MOGS: variants seen among roughly 807,000 people sequenced by gnomAD.
The protein encoded by MOGS is mannosyl-oligosaccharide glucosidase.
Under a neutral mutation model 68.5 loss-of-function variants are expected in MOGS, and 45 were observed. That is an observed-to-expected ratio of 0.66 (90% CI 0.52 to 0.84). The LOEUF (loss-of-function observed/expected upper bound fraction) is 0.84. MOGS is among the 40% of genes least tolerant of loss of function. The probability of loss-of-function intolerance (pLI) is 0.00; values close to 1 mark genes in which losing one functional copy is unlikely to be tolerated. For missense variants in MOGS, 1,020 were observed against 1,095.0 expected, an observed-to-expected ratio of 0.93 and a Z score of 0.97; for synonymous variants, 492 against 461.2, an observed-to-expected ratio of 1.07 and a Z score of -0.86.
Position 74,464,725 on chromosome 2 carries a change from G to C in MOGS, c.353-3C>G. The C allele has an allele frequency of 6.2e-7, 1 of 1,610,206 alleles. No individual in the cohort carries two copies. Among genetic ancestry groups the C allele is most frequent in the African/African-American group, 1.3e-5 (1 of 74,980 alleles). On this transcript the variant is annotated splice_polypyrimidine_tract_variant and splice_region_variant and intron_variant, in intron 1 of 3. Coordinates refer to ENST00000448666, the MANE Select transcript of MOGS (RefSeq NM_006302.3). Reference sequence around the variant, plus strand: ...GCCCTGCTGCGCCCACATCAGTCCTGGGGGTAGAATGGCCACGTAAGTCAA... The same window carrying C: ...GCCCTGCTGCGCCCACATCAGTCCTCGGGGTAGAATGGCCACGTAAGTCAA...
intron 2 of MOGS, 37 bp from the exon 3 acceptor site, chr2:74,463,423 G>T: frequency 1.9e-6 from 3 of 1,595,478 alleles, no homozygotes; most frequent in Non-Finnish European, 1.7e-6. Flanking sequence ...AACAGTGTTA[G>T]ATTGGCATTC....
In MOGS at chr2:74,464,987, G is replaced by C. The variant is rs772958580; in HGVS notation, c.261C>G (p.Ser87Arg). 6.4e-7 allele frequency: 1 copy of C among 1,562,632 alleles called. No individual in the cohort carries two copies. Among genetic ancestry groups the C allele is most frequent in the Admixed American group, 1.9e-5 (1 of 52,330 alleles). ...APPVLPADSS[S>R]PAVAPDLFWG... ...AGAAGAGGTCCGGGGCCACGGCGGG[G>C]CTGGAGGAGTCGGCAGGCAACACAG... The change falls in exon 1 of 4, where the codon AGC becomes AGG. Residue 87 changes from serine to arginine, a missense_variant. Physicochemically the swap from Ser to Arg is moderately radical, Grantham distance 110. Transcript: ENST00000448666.
At chr2:74,463,082 A>G in intron 3 of MOGS, 70 bp from the exon 4 acceptor site, 1 of 1,611,446 alleles carries the variant, frequency 6.2e-7, no homozygotes, top group Admixed American at 1.7e-5. Flanking sequence ...AGAGAAATAC[A>G]AAGTGTTCAG....
rs773800472 is a variant in MOGS, at chr2:74,465,260, G to T, written c.-13C>A. On this transcript the variant is annotated 5_prime_UTR_variant, in exon 1 of 4. Transcript: ENST00000448666. Reference sequence around the variant, plus strand: ...CGCCCCGAGCCATCCTGGCACTGAGGTCCGCGTCACAAGAGCTCGGAGAGG... The same window carrying T: ...CGCCCCGAGCCATCCTGGCACTGAGTTCCGCGTCACAAGAGCTCGGAGAGG... 1 of 1,426,298 alleles carries T rather than the reference G, an allele frequency of 7.0e-7. No homozygotes were observed. The highest frequency in any genetic ancestry group is 2.6e-4 in the Middle Eastern group (1 of 3,898). 88.4% of individuals were successfully genotyped at this position (1,426,298 alleles called of 1,614,324 possible). A position where few individuals can be genotyped will look rare whatever the true frequency, so the allele number is the denominator to read the frequency against.
In MOGS at chr2:74,464,924, C is replaced by G; in HGVS notation, c.324G>C (p.Lys108Asn). The G allele has an allele frequency of 6.2e-7, 1 of 1,604,326 alleles. No homozygotes were observed. The highest frequency in any genetic ancestry group is 8.5e-7 in the Non-Finnish European group (1 of 1,174,996). ...TGAGGAGGGGCTTCGGGCTGCGGGT[C>G]TTCATGCCGAAGTAGACGTGAGGGC... The part of the protein sequence containing the change: ...TYRPHVYFGM[K>N]TRSPKPLLTG... The change falls in exon 1 of 4, where the codon AAG becomes AAC. Residue 108 changes from lysine (K) to asparagine (N), a missense_variant. Transcript: ENST00000448666.
chr2:74,462,101 C>T lies in MOGS; in HGVS notation c.1688G>A (p.Arg563Gln), dbSNP rs769741414. ...AGPLPLSYRWRGRDPALPTLL... is the reference protein window; with the variant it reads ...AGPLPLSYRWQGRDPALPTLL... The stretch of plus-strand genomic sequence containing the variant: ...GGTTGGTAAGGCAGGGTCCCGTCCC[C>T]GCCAGCGGTAAGATAGTGGCAGTGG... Residue 563 changes from arginine (R) to glutamine (Q), a missense_variant, in exon 4 of 4, where the codon CGG (arginine) becomes CAG (glutamine). Physicochemically the swap from Arg to Gln is conservative, Grantham distance 43. Transcript: ENST00000448666. The T allele has an allele frequency of 8.1e-6, 13 of 1,614,110 alleles. No homozygotes were observed. The highest frequency in any genetic ancestry group is 2.7e-5 in the African/African-American group (2 of 75,040).
In MOGS at chr2:74,465,299, C is replaced by G. The variant is rs1356278730; in HGVS notation, c.-52G>C. The G allele has an allele frequency of 3.0e-6, 4 of 1,320,206 alleles. No homozygotes were observed. The East Asian group carries it at 1.2e-4, about 40-fold the overall frequency. The allele number at this position is 1,320,206 out of a possible 1,614,324, so 81.8% of individuals were successfully genotyped here. On this transcript the variant is annotated 5_prime_UTR_variant, in exon 1 of 4. Transcript: ENST00000448666. ...AGCTCGGAGAGGCGGCAGTGGAGCC[C>G]GGGTCCTGCCTCACCTCTCCGGCTC...
rs746814666 is a variant in MOGS at position 74,461,435 on chromosome 2, C to T, written c.2354G>A (p.Gly785Asp). The change falls in exon 4 of 4, where the codon GGT becomes GAT. Residue 785 changes from glycine to aspartate, a missense_variant. Physicochemically the swap from Gly to Asp is moderately conservative, Grantham distance 94. This residue lies in a region of MOGS where 270 missense variants were observed against 261.3 expected (regional missense o/e 1.03). Coordinates refer to ENST00000448666, the MANE Select transcript of MOGS (RefSeq NM_006302.3). ...GCCTACCACGTTGGCACGGAGCTCA[C>T]CGTGGAGTTTGGCAGCCCGAGCCTG... ...PHQARAAKLHGELRANVVGNV... is the reference protein window; with the variant it reads ...PHQARAAKLHDELRANVVGNV... The T allele has an allele frequency of 2.5e-6, 4 of 1,614,222 alleles. No homozygotes were observed. The South Asian group carries it at 3.3e-5, about 13-fold the overall frequency.
At position 74,462,953 on chromosome 2, in the gene MOGS, C is replaced by G. The variant is rs202084115; in HGVS notation, c.836G>C (p.Ser279Thr). ...GLPLLTEMVKSRLNSWFQHRP... is the reference protein window; with the variant it reads ...GLPLLTEMVKTRLNSWFQHRP... ...ATGCTGAAACCAGCTATTTAGGCGA[C>G]TCTTTACCATCTCTGTCAGCAGGGG... The change falls in exon 4 of 4, where the codon AGT becomes ACT. Residue 279 changes from serine to threonine, a missense_variant. Physicochemically the swap from Ser to Thr is moderately conservative, Grantham distance 58 (BLOSUM62 1). Coordinates refer to ENST00000448666, the MANE Select transcript of MOGS (RefSeq NM_006302.3). 21 of 1,614,234 alleles carry G rather than the reference C, an allele frequency of 1.3e-5. No individual in the cohort carries two copies. In the East Asian group the frequency reaches 4.0e-4, roughly 31 times the overall value.
intron 1 of MOGS, 25 bp downstream of exon 1, chr2:74,464,871 C>T: frequency 6.2e-7 from 1 of 1,600,094 alleles, no homozygotes; most frequent in Non-Finnish European, 8.5e-7. Flanking sequence ...AGTCCGCCTG[C>T]CTGCCCGCCC....
At position 74,464,490 on chromosome 2, in the gene MOGS, C is replaced by T. The variant is rs1191203458; in HGVS notation, c.579+6G>A. 9 of 1,613,794 alleles carry T rather than the reference C, an allele frequency of 5.6e-6. No individual in the cohort carries two copies. The highest frequency in any genetic ancestry group is 2.7e-5 in the African/African-American group (2 of 75,034). ...GGCTGAGAAAAGGGTGTCCTGAGGC[C>T]CTGACCTGAGGCTCTACAGTCACTC... On this transcript the variant is annotated splice_donor_region_variant and intron_variant, in intron 2 of 3. Coordinates refer to ENST00000448666, the MANE Select transcript of MOGS (RefSeq NM_006302.3).
In MOGS at chr2:74,461,167, A is replaced by C; in HGVS notation, c.*108T>G. ...AGGAGACACCTGAGATGAAATGAGG[A>C]AGGTTTGAATTACTGGTATCCAAGG... On this transcript the variant is annotated 3_prime_UTR_variant, in exon 4 of 4. Coordinates refer to ENST00000448666, the MANE Select transcript of MOGS (RefSeq NM_006302.3). The C allele has an allele frequency of 8.1e-7, 1 of 1,239,944 alleles. No homozygotes were observed. Among genetic ancestry groups the C allele is most frequent in the Non-Finnish European group, 1.2e-6 (1 of 864,916 alleles). The allele number at this position is 1,239,944 out of a possible 1,614,324, so 76.8% of individuals were successfully genotyped here.
At position 74,461,783 on chromosome 2, in the gene MOGS, G is replaced by C. The variant is rs368567616; in HGVS notation, c.2006C>G (p.Pro669Arg). The change falls in exon 4 of 4, where the codon CCT becomes CGT. Residue 669 changes from proline (P) to arginine (R), a missense_variant. By Grantham distance (103) the Pro-to-Arg change is moderately radical. This residue lies in a region of MOGS where 270 missense variants were observed against 261.3 expected (regional missense o/e 1.03). Transcript: ENST00000448666. ...TKAVQLKPRP[P>R]QGLVRVVGRP... is the part of the protein sequence containing the mutation. ...ACCCACCACCCGAACGAGCCCCTGAGGGGGCCTGGGCTTCAGCTGTACTGC... is the reference window on the plus strand; with the variant it reads ...ACCCACCACCCGAACGAGCCCCTGACGGGGCCTGGGCTTCAGCTGTACTGC... 6.2e-7 allele frequency: 1 copy of C among 1,614,232 alleles called. No individual in the cohort carries two copies. Among genetic ancestry groups the C allele is most frequent in the Non-Finnish European group, 8.5e-7 (1 of 1,180,050 alleles).
chr2:74,461,150 C>T lies in MOGS; in HGVS notation c.*125G>A, dbSNP rs1273392392. On this transcript the variant is annotated 3_prime_UTR_variant, in exon 4 of 4. Transcript: ENST00000448666. ...TATGTGGGATGACAGCAAGGAGACA[C>T]CTGAGATGAAATGAGGAAGGTTTGA... is the stretch of plus-strand genomic sequence containing the variant. 2.8e-6 allele frequency: 3 copies of T among 1,055,996 alleles called. No individual in the cohort carries two copies. Among genetic ancestry groups the T allele is most frequent in the Non-Finnish European group, 4.3e-6 (3 of 704,620 alleles). The allele number at this position is 1,055,996 out of a possible 1,614,324, so 65.4% of individuals were successfully genotyped here.
At chr2:74,463,464 TAGTG>T (rs1049448941) in intron 2 of MOGS, 78 bp from the exon 3 acceptor site, 2 of 1,468,440 alleles carry the variant, frequency 1.4e-6, no homozygotes, top group Non-Finnish European at 1.9e-6. Flanking sequence ...GAATCAGCCT[TAGTG>T]AGGGAAAGGA....
At position 74,464,652 on chromosome 2, in the gene MOGS, G is replaced by A. The variant is rs773419683; in HGVS notation, c.423C>T (p.Asp141=). 4 of 1,614,056 alleles carry A rather than the reference G, an allele frequency of 2.5e-6. No individual in the cohort carries two copies. The highest frequency in any genetic ancestry group is 2.2e-5 in the South Asian group (2 of 91,082). ...PKLRHTCEQG[D]GVGPYGWEFH... is the part of the protein sequence containing the mutation. Reference sequence around the variant, plus strand: ...ACTCCCAGCCATAGGGACCCACACCGTCCCCCTGCTCACACGTGTGCCTGA... The same window carrying A: ...ACTCCCAGCCATAGGGACCCACACCATCCCCCTGCTCACACGTGTGCCTGA... The change falls in exon 2 of 4, where the codon GAC becomes GAT. Residue 141 remains aspartate, a synonymous_variant. Transcript: ENST00000448666.
chr2:74,462,650 T>G lies in MOGS; in HGVS notation c.1139A>C (p.Glu380Ala). 6.2e-7 allele frequency: 1 copy of G among 1,614,236 alleles called. No homozygotes were observed. Among genetic ancestry groups the G allele is most frequent in the Non-Finnish European group, 8.5e-7 (1 of 1,180,036 alleles). ...CTGCTCGCCAGAGCTCAGGCCCTTC[T>G]CCTTCAGCTGGAAGGTCTTCTCAAA... ...ERFEKTFQLKEKGLSSGEQVL... is the reference protein window; with the variant it reads ...ERFEKTFQLKAKGLSSGEQVL... The change falls in exon 4 of 4, where the codon GAG becomes GCG. Residue 380 changes from glutamate (E) to alanine (A), a missense_variant. Around this residue, in one of 3 missense-constraint regions of MOGS, gnomAD observed 569 missense variants for 571.9 expected, o/e 0.99. Transcript: ENST00000448666.
chr2:74,461,471 T>G lies in MOGS; in HGVS notation c.2318A>C (p.Glu773Ala). 6.2e-7 allele frequency: 1 copy of G among 1,614,112 alleles called. No individual in the cohort carries two copies. The highest frequency in any genetic ancestry group is 8.5e-7 in the Non-Finnish European group (1 of 1,180,020). ...LGALHHYGHL[E>A]GPHQARAAKL... is the part of the protein sequence containing the mutation. ...GGCAGCCCGAGCCTGGTGAGGACCC[T>G]CCAGATGCCCATAGTGGTGGAGTGC... Residue 773 changes from glutamate (E) to alanine (A), a missense_variant, in exon 4 of 4, where the codon GAG (glutamate) becomes GCG (alanine). This residue lies in a region of MOGS where 270 missense variants were observed against 261.3 expected (regional missense o/e 1.03). Transcript: ENST00000448666.
rs2103976144 is a variant in MOGS, at chr2:74,461,491, G to A, written c.2298C>T (p.Leu766=). The change falls in exon 4 of 4, where the codon CTC becomes CTT. Residue 766 remains leucine, a synonymous_variant. Transcript: ENST00000448666. The stretch of plus-strand genomic sequence containing the variant: ...GACCCTCCAGATGCCCATAGTGGTG[G>A]AGTGCTCCCAAAGCCAGGTAGTTGA... ...LNVNYLALGA[L]HHYGHLEGPH... is the part of the protein sequence containing the mutation. The A allele has an allele frequency of 1.9e-6, 3 of 1,614,096 alleles. No homozygotes were observed. The highest frequency in any genetic ancestry group is 1.7e-6 in the Non-Finnish European group (2 of 1,179,984).
Sources: allele counts gnomAD v4.1 joint callset, GRCh38; gene constraint gnomAD v4.1.1; regional missense constraint gnomAD v4.1.1; transcripts MANE v1.5; gene names NCBI Gene and HGNC (gene_info 2026-07-23, HGNC 2026-07-21).